The following COBLL1 variants were observed in gnomAD, a reference collection of about 807,000 sequenced individuals.
COBLL1 encodes cordon-bleu protein-like 1.
COBLL1 carries 50 observed loss-of-function variants against 94.8 expected under a neutral mutation model. That is an observed-to-expected ratio of 0.53 (90% confidence interval 0.42 to 0.67). COBLL1 has a LOEUF of 0.67. COBLL1 is among the 30% of genes least tolerant of loss of function. COBLL1 has a pLI of 0.00. For synonymous variants in COBLL1, 448 were observed against 473.8 expected (o/e 0.95, Z 0.71); for missense variants, 1,362 against 1,348.7 (o/e 1.01, Z -0.15).
chr2:164,818,269 T>C (rs1019194258), intron 2 of COBLL1, among the ~76,000 whole-genome samples: 2 of 147,860 alleles, frequency 1.4e-5, no homozygotes, highest in Admixed American at 6.7e-5. Flanking sequence ...CATATACACG[T>C]ATGTATGTAT....
intron 2 of COBLL1, among the ~76,000 whole-genome samples, chr2:164,779,439 A>G (rs1345863548): frequency 6.6e-6 from 1 of 152,100 alleles, no homozygotes; most frequent in African/African-American, 2.4e-5. Flanking sequence ...CTTCAGCCTT[A>G]AGAACGATAT....
At chr2:164,773,786 G>GCT in intron 2 of COBLL1, 2 of 1,274,222 alleles carry the variant, frequency 1.6e-6, no homozygotes, top group Non-Finnish European at 1.0e-6. Context: ...CAACTGTCCT[G>GCT]CTCTGTTACT....
intron 2 of COBLL1, chr2:164,800,663 A>G (rs1683725212): frequency 1.5e-6 from 1 of 659,622 alleles, no homozygotes. Context: ...ACTGGTATTC[A>G]ATGGGTGAAT....
chr2:164,836,971 A>G (rs893203400), intron 2 of COBLL1, among the ~76,000 whole-genome samples: 3 of 152,204 alleles, frequency 2.0e-5, no homozygotes, highest in Admixed American at 1.3e-4. Flanking sequence ...CAGAGAAGTC[A>G]CTCAACTTCA....
intron 2 of COBLL1, among the ~76,000 whole-genome samples, chr2:164,795,519 T>C (rs1574603006): frequency 6.6e-6 from 1 of 152,170 alleles, no homozygotes; most frequent in East Asian, 1.9e-4. Context: ...GTATCTAGAT[T>C]GACCAATGAC....
chr2:164,692,178 T>C, intron 13 of COBLL1, 43 bp downstream of exon 13: 5 of 1,501,326 alleles, frequency 3.3e-6, no homozygotes, highest in Non-Finnish European at 4.4e-6. Flanking sequence ...TTGACAATGG[T>C]GACAATAAAC....
intron 2 of COBLL1, among the ~76,000 whole-genome samples, chr2:164,788,144 A>G (rs1042274094): frequency 3.3e-5 from 5 of 152,148 alleles, no homozygotes; most frequent in Non-Finnish European, 7.3e-5. Context: ...CAAACTTAGT[A>G]CTATGACTGA....
intron 7 of COBLL1, among the ~76,000 whole-genome samples, chr2:164,709,069 A>G (rs1042716285): frequency 5.3e-5 from 8 of 152,238 alleles, no homozygotes; most frequent in South Asian, 2.1e-4. Flanking sequence ...GAGCCTATTC[A>G]TAACTAAAGA....
At chr2:164,759,779 G>A (rs947662592) in intron 2 of COBLL1, among the ~76,000 whole-genome samples, 1 of 152,160 alleles carries the variant, frequency 6.6e-6, no homozygotes, top group Non-Finnish European at 1.5e-5. Context: ...GAGGGTACAC[G>A]AATGGCAAAT....
At chr2:164,724,962 G>A (rs1205594673) in intron 5 of COBLL1, 2 of 151,596 alleles carry the variant, frequency 1.3e-5, no homozygotes, top group Admixed American at 6.6e-5. Context: ...TAATAATAAC[G>A]AACACGTAGA....
intron 2 of COBLL1, among the ~76,000 whole-genome samples, chr2:164,763,804 G>A (rs375009831): frequency 1.3e-5 from 2 of 152,176 alleles, no homozygotes; most frequent in Non-Finnish European, 1.5e-5. Context: ...AAATGATTAC[G>A]TGGGAGAAAA....
chr2:164,693,816 A>G (rs567052478), intron 12 of COBLL1, among the ~76,000 whole-genome samples: 88 of 152,310 alleles, frequency 5.8e-4, no homozygotes, highest in African/African-American at 2.0e-3. Context: ...GAAATCACAT[A>G]GCTAAGAGAT....
intron 5 of COBLL1, chr2:164,727,142 T>C (rs1361520177): frequency 1.3e-6 from 2 of 1,505,032 alleles, no homozygotes; most frequent in East Asian, 2.5e-5. Context: ...GTAACAGAAG[T>C]GGCTACAGAA....
chr2:164,709,450 G>A (rs1684769854), intron 7 of COBLL1, among the ~76,000 whole-genome samples: 1 of 152,190 alleles, frequency 6.6e-6, no homozygotes, highest in Non-Finnish European at 1.5e-5. Flanking sequence ...GGGTGCCGTG[G>A]CTCACGCCTG....
At chr2:164,818,774 A>AG (rs1268824208) in intron 2 of COBLL1, among the ~76,000 whole-genome samples, 4 of 140,064 alleles carry the variant, frequency 2.9e-5, no homozygotes, top group African/African-American at 8.1e-5. Flanking sequence ...GTAAACATAT[A>AG]TATATATACA....
intron 1 of COBLL1, among the ~76,000 whole-genome samples, chr2:164,670,688 T>G (rs1691228984): frequency 6.6e-6 from 1 of 152,204 alleles, no homozygotes; most frequent in African/African-American, 2.4e-5. Flanking sequence ...TGAGAAGGCC[T>G]CCTTGCCTTT....
chr2:164,762,169 C>G (rs1399700312), intron 2 of COBLL1, among the ~76,000 whole-genome samples: 2 of 152,108 alleles, frequency 1.3e-5, no homozygotes, highest in Non-Finnish European at 2.9e-5. Context: ...TAATACTAGC[C>G]TCAAGTGAAT....
chr2:164,783,037 A>G (rs181349884), intron 2 of COBLL1, among the ~76,000 whole-genome samples: 45 of 152,290 alleles, frequency 3.0e-4, no homozygotes, highest in Admixed American at 2.4e-3. Context: ...AATTATCACA[A>G]CTATGTATTT....
chr2:164,735,581 A>T (rs1686257575), intron 3 of COBLL1, among the ~76,000 whole-genome samples: 1 of 151,662 alleles, frequency 6.6e-6, no homozygotes, highest in South Asian at 2.1e-4. Context: ...ACACTACAAA[A>T]GTAGGACATT....
Sources: gnomAD v4.1 joint callset for allele counts (sites outside exome capture counted in the v4.1 genomes callset) on GRCh38, gnomAD v4.1.1 for gene constraint, MANE v1.5 for transcripts, NCBI Gene and HGNC (gene_info 2026-07-23, HGNC 2026-07-21) for gene names.